Variants in FETUB observed in about 807,000 individuals in gnomAD.
FETUB encodes fetuin-B.
A neutral mutation model predicts 30.9 loss-of-function variants in FETUB; 28 were observed. That is an observed-to-expected ratio of 0.90 (90% confidence interval 0.67 to 1.24). The LOEUF is 1.24. Among genes scored for constraint, FETUB ranks in the 50% most tolerant of loss-of-function variants. FETUB has a pLI of 0.00. For synonymous variants in FETUB, 186 were observed against 175.9 expected (o/e 1.06, Z -0.45); for missense variants, 469 against 455.3 (o/e 1.03, Z -0.27).
At chr3:186,637,484 A>G (rs995653428), upstream of FETUB, among the ~76,000 whole-genome samples, 6 of 152,124 alleles carry the variant, frequency 3.9e-5, no homozygotes, top group Non-Finnish European at 7.4e-5. Flanking sequence ...GCAGCCAACA[A>G]TGTCTCACCT....
At position 186,652,625 on chromosome 3, in the gene FETUB, G is replaced by A. The variant is rs35146472; in HGVS notation, c.1143G>A (p.Pro381=). The change falls in exon 7 of 7, where the codon CCG becomes CCA. Residue 381 remains proline (P), a synonymous_variant. Coordinates refer to ENST00000265029, the MANE Select transcript of FETUB (RefSeq NM_014375.3). ...AGAATGCCAGCCCTCTTGTCCTTCC[G>A]CCATGAGAATCACACAGAGTCTTCT... ...PAQNASPLVL[P]P is the part of the protein sequence containing the mutation. 181 of 1,601,930 alleles carry A rather than the reference G, an allele frequency of 1.1e-4. No homozygotes were observed. Among genetic ancestry groups the A allele is most frequent in the Non-Finnish European group, 1.4e-4 (162 of 1,175,666 alleles).
In FETUB at chr3:186,652,524, C is replaced by G; in HGVS notation, c.1042C>G (p.Pro348Ala). ...GGATATTTCCTTCCTCTTCCTGGAG[C>G]CTATGGAGGAGAAGCTGGTGGTCCT... ...TLDISFLFLEPMEEKLVVLPF... is the reference protein window; with the variant it reads ...TLDISFLFLEAMEEKLVVLPF... The change falls in exon 7 of 7, where the codon CCT becomes GCT. Residue 348 changes from proline (P) to alanine (A), a missense_variant. Transcript: ENST00000265029. The G allele has an allele frequency of 1.9e-6, 3 of 1,614,200 alleles. No individual in the cohort carries two copies. The highest frequency in any genetic ancestry group is 2.5e-6 in the Non-Finnish European group (3 of 1,180,030).
chr3:186,644,269 C>A (rs1166419400), intron 3 of FETUB, among the ~76,000 whole-genome samples: 4 of 152,186 alleles, frequency 2.6e-5, no homozygotes, highest in African/African-American at 7.2e-5. Context: ...GCATTTCTAA[C>A]CAAACGGGGT....
chr3:186,640,403 G>T lies in FETUB; in HGVS notation c.-58G>T. On this transcript the variant is annotated 5_prime_UTR_variant, in exon 1 of 7. Coordinates refer to ENST00000265029, the MANE Select transcript of FETUB (RefSeq NM_014375.3). ...AAGTCTGCCTTAAAGAGCCTTACAA[G>T]CCAGCCAGTCCCTGCAGCTCCACAA... is the stretch of plus-strand genomic sequence containing the variant. 7.2e-7 allele frequency: 1 copy of T among 1,393,132 alleles called. No homozygotes were observed. Among genetic ancestry groups the T allele is most frequent in the South Asian group, 1.2e-5 (1 of 86,224 alleles). The allele number at this position is 1,393,132 out of a possible 1,614,324, so 86.3% of individuals were successfully genotyped here.
chr3:186,640,508 C>G lies in FETUB; in HGVS notation c.48C>G (p.Cys16Trp), dbSNP rs112267492. The change falls in exon 1 of 7, where the codon TGC becomes TGG. Residue 16 changes from cysteine to tryptophan, a missense_variant. Cys to Trp is a radical substitution (Grantham distance 215). Transcript: ENST00000265029. ...CACTCTGCATCCTAGTCCTGTGCTGCGGAGCAATGTCTCCACCCCAGCTGG... is the reference window on the plus strand; with the variant it reads ...CACTCTGCATCCTAGTCCTGTGCTGGGGAGCAATGTCTCCACCCCAGCTGG... ...PLALCILVLC[C>W]GAMSPPQLAL... 5.8e-3 allele frequency: 9,286 copies of G among 1,614,146 alleles called. 454 individuals carry two copies. In the African/African-American group the frequency reaches 0.11, roughly 18 times the overall value.
intron 5 of FETUB, among the ~76,000 whole-genome samples, chr3:186,647,994 A>G (rs1053102459): frequency 2.0e-5 from 3 of 152,176 alleles, no homozygotes; most frequent in Non-Finnish European, 4.4e-5. Flanking sequence ...AACAACAACA[A>G]CAAAAAAATA....
Position 186,652,863 on chromosome 3 carries a change from T to C in FETUB, c.*232T>C. Reference sequence around the variant, plus strand: ...TTGTACCCTGAGCTGCATCACCTCCTAAACTGAGCAGTCTCATACCATGGA... The same window carrying C: ...TTGTACCCTGAGCTGCATCACCTCCCAAACTGAGCAGTCTCATACCATGGA... On this transcript the variant is annotated 3_prime_UTR_variant, in exon 7 of 7. Transcript: ENST00000265029. 2.2e-6 allele frequency: 1 copy of C among 461,078 alleles called. No homozygotes were observed. Among genetic ancestry groups the C allele is most frequent in the Non-Finnish European group, 3.8e-6 (1 of 263,334 alleles). The allele number at this position is 461,078 out of a possible 1,614,324, so 28.6% of individuals were successfully genotyped here.
chr3:186,651,089 G>C, intron 5 of FETUB, 129 bp from the exon 6 acceptor site: 1 of 650,012 alleles, frequency 1.5e-6, no homozygotes, highest in Non-Finnish European at 2.8e-6. Flanking sequence ...AATTGACTCA[G>C]AGTCTACCTG....
At chr3:186,649,863 G>C (rs1717859482) in intron 5 of FETUB, among the ~76,000 whole-genome samples, 1 of 152,108 alleles carries the variant, frequency 6.6e-6, no homozygotes, top group Non-Finnish European at 1.5e-5. Flanking sequence ...CCTTTCTTTA[G>C]CTTCCACTTT....
Position 186,646,252 on chromosome 3 carries a change from TG to T in FETUB, c.601del (p.Val201SerfsTer10), listed in dbSNP as rs769951694. The T allele has an allele frequency of 6.2e-6, 10 of 1,611,048 alleles. No homozygotes were observed. The highest frequency in any genetic ancestry group is 1.7e-5 in the Admixed American group (1 of 59,980). ...FKVTRASSQW[V>X]VGPSYFVEYL... is the part of the protein sequence containing the mutation. ...TCAACTCTTGTCTCATAACAGTGGG[TG>T]GTCGGCCCTTCTTACTTTGTGGAAT... On this transcript the variant is annotated frameshift_variant, in exon 5 of 7. Coordinates refer to ENST00000265029, the MANE Select transcript of FETUB (RefSeq NM_014375.3). LOFTEE classifies it high-confidence loss of function.
Position 186,642,521 on chromosome 3 carries a change from T to G in FETUB, c.387T>G (p.Val129=), listed in dbSNP as rs758999504. 7 of 1,609,788 alleles carry G rather than the reference T, an allele frequency of 4.3e-6. 1 individual carries two copies. The highest frequency in any genetic ancestry group is 5.1e-6 in the Non-Finnish European group (6 of 1,176,766). ...AIFYMNNPSR[V]LYLAAYNCTL... is the part of the protein sequence containing the mutation. ...TTTATATGAACAACCCAAGTAGAGT[T>G]CTCTATTTAGCTGCTTATAACTGTA... Residue 129 remains valine, a synonymous_variant, in exon 3 of 7, where the codon GTT becomes GTG. Coordinates refer to ENST00000265029, the MANE Select transcript of FETUB (RefSeq NM_014375.3).
chr3:186,651,851 G>A (rs1371469776), intron 6 of FETUB: 4 of 169,890 alleles, frequency 2.4e-5, no homozygotes, highest in Admixed American at 1.1e-4. Flanking sequence ...ATGGGATTGC[G>A]ACACTGCATC....
At chr3:186,651,095 A>C (rs942614362) in intron 5 of FETUB, 123 bp from the exon 6 acceptor site, 14 of 674,546 alleles carry the variant, frequency 2.1e-5, no homozygotes, top group Non-Finnish European at 3.2e-5. Flanking sequence ...CTCAGAGTCT[A>C]CCTGTTACAT....
upstream of FETUB, among the ~76,000 whole-genome samples, chr3:186,638,463 C>T (rs1437504445): frequency 6.6e-6 from 1 of 152,104 alleles, no homozygotes; most frequent in South Asian, 2.1e-4. Context: ...TGTCACAGGC[C>T]CTCTTACCGT....
At chr3:186,651,412 C>T in intron 6 of FETUB, 111 bp downstream of exon 6, 1 of 745,332 alleles carries the variant, frequency 1.3e-6, no homozygotes, top group Non-Finnish European at 2.4e-6. Flanking sequence ...TTGCTCACCA[C>T]TTTGCGCAGG....
At chr3:186,638,089 AT>A (rs979127301), upstream of FETUB, among the ~76,000 whole-genome samples, 1 of 152,258 alleles carries the variant, frequency 6.6e-6, no homozygotes, top group African/African-American at 2.4e-5. Context: ...GTTAAGCAAA[AT>A]ATTGTTAAAA....
At chr3:186,645,960 C>G (rs189963855) in intron 4 of FETUB, among the ~76,000 whole-genome samples, 1 of 149,822 alleles carries the variant, frequency 6.7e-6, no homozygotes, top group South Asian at 2.1e-4. Flanking sequence ...CTCCTGACCT[C>G]GTGATCCGCC....
upstream of FETUB, among the ~76,000 whole-genome samples, chr3:186,636,856 C>T (rs1397551407): frequency 3.3e-5 from 5 of 152,226 alleles, no homozygotes; most frequent in Admixed American, 3.3e-4. Context: ...CTCAGGCATA[C>T]TCTGTTCTTC....
intron 5 of FETUB, among the ~76,000 whole-genome samples, chr3:186,648,029 AACTT>A (rs1717693229): frequency 6.6e-6 from 1 of 152,094 alleles, no homozygotes. Context: ...CCAAACTCAA[AACTT>A]ACTACAAAGG....
Sources: allele counts gnomAD v4.1 joint callset (sites outside exome capture counted in the v4.1 genomes callset), GRCh38; gene constraint gnomAD v4.1.1; transcripts MANE v1.5; gene names NCBI Gene and HGNC (gene_info 2026-07-23, HGNC 2026-07-21).